The following HNRNPH1 variants were observed in gnomAD, a reference collection of about 807,000 sequenced individuals.
HNRNPH1 encodes heterogeneous nuclear ribonucleoprotein H1.
In HNRNPH1, 4 loss-of-function variants were observed where a neutral mutation model predicts 58.6. The ratio of observed to expected loss-of-function variants is 0.07; its 90% CI spans 0.03 to 0.16. The LOEUF is 0.16. Among genes scored for constraint, HNRNPH1 ranks in the 10% least tolerant of loss-of-function variants. HNRNPH1 has a pLI of 1.00. For synonymous variants in HNRNPH1, 192 were observed against 189.2 expected (o/e 1.01, Z -0.12); for missense variants, 271 against 564.2 (o/e 0.48, Z 5.26).
chr5:179,616,336 C>T, intron 10 of HNRNPH1, 118 bp from the exon 12 acceptor site: 1 of 817,726 alleles, frequency 1.2e-6, no homozygotes, highest in Non-Finnish European at 2.1e-6. Flanking sequence ...TACTGTAACC[C>T]TCTGCCTCCT....
intron 2 of HNRNPH1, among the ~76,000 whole-genome samples, chr5:179,629,953 G>T (rs1246968252): frequency 6.6e-6 from 1 of 152,158 alleles, no homozygotes; most frequent in Non-Finnish European, 1.5e-5. Context: ...GAACCTGGGA[G>T]GCGGAGGTTG....
chr5:179,614,761 T>C (rs1768637816), exon 13 of HNRNPH1: 1 of 726,592 alleles, frequency 1.4e-6, no homozygotes, highest in Non-Finnish European at 2.2e-6. Flanking sequence ...TTGCAGAAAC[T>C]GTTAAACTGA....
chr5:179,615,623 T>A (rs767348755), intron 11 of HNRNPH1, 28 bp from the exon 13 acceptor site: 1 of 1,290,992 alleles, frequency 7.7e-7, no homozygotes, highest in African/African-American at 1.5e-5. Flanking sequence ...AGGGTAAGAC[T>A]ATAATACCAA....
At chr5:179,630,116 A>G (rs561147019) in intron 2 of HNRNPH1, among the ~76,000 whole-genome samples, 1 of 152,302 alleles carries the variant, frequency 6.6e-6, no homozygotes, top group South Asian at 2.1e-4. Flanking sequence ...TGGGAGGCCA[A>G]GGTGGGTGGA....
At chr5:179,616,463 C>T (rs1035527803) in intron 10 of HNRNPH1, 20 of 545,472 alleles carry the variant, frequency 3.7e-5, no homozygotes, top group Admixed American at 3.3e-5. Flanking sequence ...AACATGATTC[C>T]GTAAGTAGAG....
intron 2 of HNRNPH1, 60 bp downstream of exon 3, chr5:179,621,182 G>A: frequency 1.9e-6 from 3 of 1,539,114 alleles, no homozygotes; most frequent in Non-Finnish European, 2.7e-6. Context: ...AATTCAGAAG[G>A]GGTGAGACCT....
rs748536618 is a variant in HNRNPH1 at position 179,616,222 on chromosome 5, T to C, written c.1208-4A>G. On this transcript the variant is annotated splice_polypyrimidine_tract_variant and splice_region_variant and intron_variant, in intron 10 of 12. Coordinates refer to ENST00000356731, the Ensembl canonical transcript of HNRNPH1. ...CCCCCGTAGCTGGACTGGTTTGCTGTTAAGTTAAGAAAACATTAGAACCTT... is the reference window on the plus strand; with the variant it reads ...CCCCCGTAGCTGGACTGGTTTGCTGCTAAGTTAAGAAAACATTAGAACCTT... The C allele has an allele frequency of 3.1e-6, 5 of 1,606,900 alleles. No homozygotes were observed. Among genetic ancestry groups the C allele is most frequent in the Non-Finnish European group, 4.3e-6 (5 of 1,176,342 alleles).
chr5:179,616,717 TTAAG>T (rs1318108162), intron 10 of HNRNPH1, 148 bp downstream of exon 11: 8 of 675,366 alleles, frequency 1.2e-5, no homozygotes, highest in African/African-American at 3.6e-5. Context: ...TCACAAGGAT[TTAAG>T]TAAGCCAGAT....
At chr5:179,619,620 A>G (rs1562270275) in intron 3 of HNRNPH1, 3 of 355,188 alleles carry the variant, frequency 8.4e-6, no homozygotes, top group East Asian at 4.3e-5. Context: ...GGTACAGTAT[A>G]TATTAAAAAA....
At chr5:179,622,421 G>A (rs1218059963) in intron 1 of HNRNPH1, among the ~76,000 whole-genome samples, 4 of 152,178 alleles carry the variant, frequency 2.6e-5, no homozygotes, top group Non-Finnish European at 5.9e-5. Context: ...TTCGAAAAAA[G>A]ACACCCGGGC....
chr5:179,622,440 G>A (rs1388566984), intron 1 of HNRNPH1, among the ~76,000 whole-genome samples: 1 of 152,192 alleles, frequency 6.6e-6, no homozygotes, highest in African/African-American at 2.4e-5. Context: ...GCCAGGCGCG[G>A]TGGCTCACGC....
At chr5:179,630,547 G>A (rs1774744324) in intron 2 of HNRNPH1, among the ~76,000 whole-genome samples, 2 of 152,132 alleles carry the variant, frequency 1.3e-5, no homozygotes, top group Admixed American at 1.3e-4. Flanking sequence ...GCAGGGAGAT[G>A]CCATCAAGGT....
rs1331978128 is a variant in HNRNPH1 at position 179,631,639 on chromosome 5, C to T, written c.-32+2426G>A. Among the ~76,000 whole-genome samples, 10 of 152,102 alleles carry T rather than the reference C, an allele frequency of 6.6e-5. No homozygotes were observed. The East Asian group carries it at 1.9e-3, about 29-fold the overall frequency. The stretch of plus-strand genomic sequence containing the variant: ...GCGTAGGCCTGTAATCCCAGCTACT[C>T]AGGGGGCTGAGGCAGGAGAATTGTT... On this transcript the variant is annotated intron_variant, in intron 2 of 4. Transcript: ENST00000521116.
intron 5 of HNRNPH1, 39 bp downstream of exon 6, chr5:179,618,106 G>C (rs1770664523): frequency 1.2e-6 from 2 of 1,612,512 alleles, no homozygotes; most frequent in Non-Finnish European, 1.7e-6. Context: ...CTAGACAAAG[G>C]AACAGACGAC....
At chr5:179,621,423 A>G in intron 1 of HNRNPH1, 26 bp from the exon 3 acceptor site, 1 of 1,605,998 alleles carries the variant, frequency 6.2e-7, no homozygotes, top group South Asian at 1.1e-5. Flanking sequence ...CCGTTAATAC[A>G]GAATTTAAAA....
intron 1 of HNRNPH1, among the ~76,000 whole-genome samples, chr5:179,622,155 T>C (rs1341460417): frequency 7.2e-5 from 11 of 152,200 alleles, no homozygotes; most frequent in Admixed American, 5.2e-4. Context: ...TGGGCTTCAG[T>C]GTCTTCAACT....
intron 11 of HNRNPH1, chr5:179,615,819 G>A: frequency 1.9e-6 from 1 of 522,246 alleles, no homozygotes; most frequent in Non-Finnish European, 3.4e-6. Flanking sequence ...TTTAATACAT[G>A]GAGGCAGATA....
chr5:179,631,453 A>G (rs141832724), intron 2 of HNRNPH1, among the ~76,000 whole-genome samples: 195 of 152,246 alleles, frequency 1.3e-3, no homozygotes, highest in African/African-American at 4.4e-3. Flanking sequence ...CTCTACAAAA[A>G]GTTAAAAACA....
chr5:179,615,352 AG>A (rs879898544), intron 12 of HNRNPH1, 193 bp downstream of exon 13: 3 of 498,018 alleles, frequency 6.0e-6, no homozygotes, highest in South Asian at 3.9e-5. Flanking sequence ...AAGGGAGCAC[AG>A]GGGAAGTCTC....
Sources: allele counts gnomAD v4.1 joint callset (sites outside exome capture counted in the v4.1 genomes callset), GRCh38; gene constraint gnomAD v4.1.1; transcripts MANE v1.5; gene names NCBI Gene and HGNC (gene_info 2026-07-23, HGNC 2026-07-21).